Variants in UBE2D3 observed in about 807,000 individuals in gnomAD.
UBE2D3 encodes ubiquitin conjugating enzyme E2 D3.
Under a neutral mutation model 22.8 loss-of-function variants are expected in UBE2D3, and 2 were observed. The ratio of observed to expected loss-of-function variants is 0.09; its 90% CI spans 0.04 to 0.28. The LOEUF is 0.28. Ranked by LOEUF, UBE2D3 falls within the 10% of genes least tolerant of loss-of-function variation. The pLI is 1.00. For synonymous variants in UBE2D3, 56 were observed against 60.4 expected (o/e 0.93, Z 0.34); for missense variants, 27 against 182.5 (o/e 0.15, Z 4.91).
intron 2 of UBE2D3, chr4:102,825,416 G>A: frequency 1.9e-6 from 2 of 1,046,936 alleles, no homozygotes; most frequent in Non-Finnish European, 2.3e-6. Context: ...TTGAGCAGAG[G>A]ATCTTAGAGC....
intron 1 of UBE2D3, among the ~76,000 whole-genome samples, chr4:102,856,837 G>A (rs1160584397): frequency 2.0e-5 from 3 of 152,150 alleles, no homozygotes; most frequent in Non-Finnish European, 4.4e-5. Context: ...ATATCAGGAA[G>A]AATTTTATTT....
At chr4:102,811,625 T>G (rs550614900) in intron 2 of UBE2D3, 1 of 312,000 alleles carries the variant, frequency 3.2e-6, no homozygotes, top group South Asian at 2.5e-5. Flanking sequence ...AGGCTGCAGA[T>G]CGCGCCACTG....
intron 1 of UBE2D3, among the ~76,000 whole-genome samples, chr4:102,848,457 C>A (rs1230774189): frequency 1.3e-5 from 2 of 152,070 alleles, no homozygotes; most frequent in Non-Finnish European, 2.9e-5. Flanking sequence ...CCAGCCTCGC[C>A]AACGTGGTGA....
At chr4:102,863,317 C>G (rs919457510) in intron 1 of UBE2D3, among the ~76,000 whole-genome samples, 1 of 151,940 alleles carries the variant, frequency 6.6e-6, no homozygotes, top group African/African-American at 2.4e-5. Flanking sequence ...TCCCAAAGTG[C>G]CGGGATTACA....
chr4:102,821,475 G>T (rs565956479), intron 2 of UBE2D3, among the ~76,000 whole-genome samples: 1 of 152,294 alleles, frequency 6.6e-6, no homozygotes, highest in African/African-American at 2.4e-5. Flanking sequence ...GTCTAATGCA[G>T]ATTAGGACCT....
intron 4 of UBE2D3, among the ~76,000 whole-genome samples, chr4:102,806,180 G>T (rs1286046220): frequency 6.6e-6 from 1 of 151,972 alleles, no homozygotes; most frequent in Non-Finnish European, 1.5e-5. Flanking sequence ...TATGATCTGG[G>T]TGCCCATCTA....
upstream of UBE2D3, among the ~76,000 whole-genome samples, chr4:102,829,255 T>G (rs1025475607): frequency 6.6e-5 from 10 of 152,174 alleles, no homozygotes; most frequent in African/African-American, 2.4e-4. Flanking sequence ...AACCACCCCG[T>G]GAGTAGCAAA....
chr4:102,799,709 G>C (rs3774987), intron 6 of UBE2D3, among the ~76,000 whole-genome samples: 87,347 of 151,370 alleles, frequency 0.58, 26,610 homozygotes, highest in African/African-American at 0.79. Flanking sequence ...TTTGTGGCAT[G>C]AAATTCACTG....
At chr4:102,827,216 C>T (rs989276853) in intron 1 of UBE2D3, 12 of 984,126 alleles carry the variant, frequency 1.2e-5, no homozygotes, top group South Asian at 9.3e-5. Context: ...CCCGCGCTGT[C>T]CCTGAGGCTC....
At chr4:102,838,090 A>G (rs762252011) in intron 1 of UBE2D3, among the ~76,000 whole-genome samples, 1 of 152,050 alleles carries the variant, frequency 6.6e-6, no homozygotes, top group African/African-American at 2.4e-5. Context: ...CTGCACTCCT[A>G]CCTGGTGACA....
intron 2 of UBE2D3, among the ~76,000 whole-genome samples, chr4:102,814,414 G>T (rs1226091375): frequency 6.7e-6 from 1 of 149,734 alleles, no homozygotes; most frequent in Non-Finnish European, 1.5e-5. Flanking sequence ...TCAGCCTCCT[G>T]AGTAGCTGGA....
At chr4:102,824,608 A>G (rs917990272) in intron 2 of UBE2D3, among the ~76,000 whole-genome samples, 8 of 152,238 alleles carry the variant, frequency 5.3e-5, no homozygotes, top group African/African-American at 1.9e-4. Flanking sequence ...AACCACTGTT[A>G]TATTGTCTCT....
intron 7 of UBE2D3, chr4:102,798,989 A>C: frequency 6.2e-7 from 1 of 1,605,754 alleles, no homozygotes; most frequent in African/African-American, 1.3e-5. Context: ...TAATTGAACA[A>C]GTACACTTAG....
At chr4:102,800,225 AT>A (rs549832149) in intron 6 of UBE2D3, among the ~76,000 whole-genome samples, 8 of 151,486 alleles carry the variant, frequency 5.3e-5, no homozygotes, top group South Asian at 2.1e-4. Context: ...GTTCTGACCG[AT>A]TTTTTTTTAA....
chr4:102,806,842 C>T (rs1399771597), intron 4 of UBE2D3, among the ~76,000 whole-genome samples: 2 of 152,068 alleles, frequency 1.3e-5, no homozygotes, highest in Non-Finnish European at 2.9e-5. Context: ...ACGCCCCCCT[C>T]CCCAAAAAAA....
intron 4 of UBE2D3, among the ~76,000 whole-genome samples, chr4:102,804,900 G>C (rs968472100): frequency 1.3e-5 from 2 of 151,988 alleles, no homozygotes; most frequent in Admixed American, 1.3e-4. Context: ...TGAGAGGCTG[G>C]TCTCAAACTG....
intron 1 of UBE2D3, among the ~76,000 whole-genome samples, chr4:102,853,792 AAG>A (rs1372033297): frequency 6.6e-6 from 1 of 152,192 alleles, no homozygotes; most frequent in Non-Finnish European, 1.5e-5. Context: ...TCTATTCAAA[AAG>A]GAAAGAAAAA....
intron 2 of UBE2D3, among the ~76,000 whole-genome samples, chr4:102,818,538 C>T (rs189477647): frequency 6.6e-6 from 1 of 152,332 alleles, no homozygotes; most frequent in East Asian, 1.9e-4. Flanking sequence ...TTAGTTAAAA[C>T]ACTACAAAGA....
chr4:102,852,932 A>G (rs1732433551), intron 1 of UBE2D3, among the ~76,000 whole-genome samples: 2 of 152,142 alleles, frequency 1.3e-5, no homozygotes, highest in Non-Finnish European at 2.9e-5. Flanking sequence ...CCCAGTCTGA[A>G]AAGATGTTTC....
Sources: gnomAD v4.1 joint callset for allele counts (sites outside exome capture counted in the v4.1 genomes callset) on GRCh38, gnomAD v4.1.1 for gene constraint, MANE v1.5 for transcripts, NCBI Gene and HGNC (gene_info 2026-07-23, HGNC 2026-07-21) for gene names.